The following ETNK1 variants were observed in gnomAD, a reference collection of about 807,000 sequenced individuals.
The protein encoded by ETNK1 is ethanolamine kinase 1, also known as putative protein product of Nbla10396.
Under a neutral mutation model 45.1 loss-of-function variants are expected in ETNK1, and 8 were observed. That is an observed-to-expected ratio of 0.18 (90% CI 0.10 to 0.32). ETNK1 has a LOEUF of 0.32. Among genes scored for constraint, ETNK1 ranks in the 10% least tolerant of loss-of-function variants. ETNK1 has a pLI of 1.00. For missense variants in ETNK1, 302 were observed against 430.6 expected (o/e 0.70, Z 2.64); for synonymous variants, 152 against 151.9 (o/e 1.00, Z -0.01).
chr12:22,684,133 T>C (rs953630270), intron 6 of ETNK1, among the ~76,000 whole-genome samples: 2 of 152,176 alleles, frequency 1.3e-5, no homozygotes, highest in African/African-American at 4.8e-5. Context: ...CAAAGGCCTT[T>C]GATATAATAA....
In ETNK1 at chr12:22,656,327, A is replaced by G. The variant is rs1489541773; in HGVS notation, c.417-2687A>G. 10 of 822,520 alleles carry G rather than the reference A, an allele frequency of 1.2e-5. No homozygotes were observed. In the Admixed American group the frequency reaches 5.6e-4, roughly 46 times the overall value. The allele number at this position is 822,520 out of a possible 1,614,324, so 51.0% of individuals were successfully genotyped here. On this transcript the variant is annotated intron_variant, in intron 2 of 7. Transcript: ENST00000266517. Reference sequence around the variant, plus strand: ...GAACTTCAAAATACTTTATTTAAAAAACAACTTGAGGCAGCAAAAGTATTA... The same window carrying G: ...GAACTTCAAAATACTTTATTTAAAAGACAACTTGAGGCAGCAAAAGTATTA...
At chr12:22,668,546 G>A (rs1954077269) in intron 4 of ETNK1, among the ~76,000 whole-genome samples, 1 of 151,922 alleles carries the variant, frequency 6.6e-6, no homozygotes, top group Non-Finnish European at 1.5e-5. Context: ...TTCCTTTTAA[G>A]CTTTGTGTCT....
At chr12:22,631,974 C>A (rs1468796051) in intron 1 of ETNK1, among the ~76,000 whole-genome samples, 1 of 151,976 alleles carries the variant, frequency 6.6e-6, no homozygotes, top group Non-Finnish European at 1.5e-5. Flanking sequence ...AACATATACC[C>A]ACCCCAACCC....
chr12:22,669,963 A>T lies in ETNK1; in HGVS notation c.701-1309A>T, dbSNP rs763192879. The stretch of plus-strand genomic sequence containing the variant: ...CATTGATTATTCTCACTTATTCTAG[A>T]TGTGACTTATTTAAATAAGTTTAGA... On this transcript the variant is annotated intron_variant, in intron 4 of 7. Coordinates refer to ENST00000266517, the MANE Select transcript of ETNK1 (RefSeq NM_018638.5). Among the ~76,000 whole-genome samples the T allele has an allele frequency of 1.6e-4, 24 of 152,122 alleles. No homozygotes were observed. The East Asian group carries it at 2.9e-3, about 18-fold the overall frequency.
chr12:22,673,796 T>G, intron 6 of ETNK1, 136 bp downstream of exon 6: 1 of 883,962 alleles, frequency 1.1e-6, no homozygotes, highest in Non-Finnish European at 1.7e-6. Context: ...ACATGACCAT[T>G]TACAGTATGC....
chr12:22,654,460 A>G (rs12322145), intron 2 of ETNK1, among the ~76,000 whole-genome samples: 1 of 152,150 alleles, frequency 6.6e-6, no homozygotes, highest in Non-Finnish European at 1.5e-5. Flanking sequence ...AGTACATGAG[A>G]TTATTAAAAA....
chr12:22,671,634 T>C (rs1390907147), intron 5 of ETNK1, among the ~76,000 whole-genome samples: 2 of 151,482 alleles, frequency 1.3e-5, no homozygotes, highest in East Asian at 1.9e-4. Context: ...GTCAGGAGAT[T>C]GAGACCATCC....
Position 22,643,901 on chromosome 12 carries a change from G to A in ETNK1, c.295G>A (p.Val99Met). Residue 99 changes from valine to methionine, a missense_variant, in exon 2 of 8, where the codon GTG (valine) becomes ATG (methionine). Physicochemically the swap from Val to Met is conservative, Grantham distance 21. This residue lies in a region of ETNK1 where 205 missense variants were observed against 259.9 expected (regional missense o/e 0.79). Transcript: ENST00000266517. ...AGATGAGGAAGTAAAGAGTTTTCGA[G>A]TGTTGCAGGCTCATGGGTGTGCACC... The part of the protein sequence containing the change: ...DRDEEVKSFR[V>M]LQAHGCAPQL... The A allele has an allele frequency of 6.2e-7, 1 of 1,613,486 alleles. No individual in the cohort carries two copies. Among genetic ancestry groups the A allele is most frequent in the Non-Finnish European group, 8.5e-7 (1 of 1,179,548 alleles).
At chr12:22,648,229 A>G (rs1318467632) in intron 2 of ETNK1, among the ~76,000 whole-genome samples, 1 of 151,870 alleles carries the variant, frequency 6.6e-6, no homozygotes, top group Non-Finnish European at 1.5e-5. Flanking sequence ...TATCACCCAA[A>G]GTCCACAGTT....
intron 2 of ETNK1, among the ~76,000 whole-genome samples, chr12:22,658,658 A>G (rs561163403): frequency 2.0e-5 from 3 of 152,310 alleles, no homozygotes; most frequent in South Asian, 4.1e-4. Context: ...GTGGGAATGT[A>G]TACCCAAGGA....
intron 1 of ETNK1, among the ~76,000 whole-genome samples, chr12:22,639,804 G>A (rs1565864477): frequency 6.6e-6 from 1 of 152,152 alleles, no homozygotes; most frequent in East Asian, 1.9e-4. Context: ...GGTGACAGAT[G>A]ACTCCTACCA....
At chr12:22,627,351 T>C (rs1256995379) in intron 1 of ETNK1, among the ~76,000 whole-genome samples, 3 of 152,124 alleles carry the variant, frequency 2.0e-5, no homozygotes, top group African/African-American at 7.2e-5. Context: ...GACCTTTGGG[T>C]TTATAATCCG....
In ETNK1 at chr12:22,686,699, T is replaced by G. The variant is rs1230888272; in HGVS notation, c.*1745T>G. ...ATAAACCATATTACTGTAAGATCAATAGAACTTTGCCTAGTTAAGTGAATG... is the reference window on the plus strand; with the variant it reads ...ATAAACCATATTACTGTAAGATCAAGAGAACTTTGCCTAGTTAAGTGAATG... On this transcript the variant is annotated 3_prime_UTR_variant, in exon 8 of 8. Transcript: ENST00000266517. 6.6e-6 allele frequency: 1 copy of G among 152,262 alleles called. No individual in the cohort carries two copies. The highest frequency in any genetic ancestry group is 1.9e-4 in the East Asian group (1 of 5,194). The allele number at this position is 152,262 out of a possible 1,614,324, so 9.4% of individuals were successfully genotyped here.
At position 22,661,314 on chromosome 12, in the gene ETNK1, G is replaced by T. The variant is rs1953997415; in HGVS notation, c.700+109G>T. The T allele has an allele frequency of 1.3e-5, 10 of 779,134 alleles. No individual in the cohort carries two copies. In the South Asian group the frequency reaches 2.0e-4, roughly 16 times the overall value. 48.3% of individuals were successfully genotyped at this position (779,134 alleles called of 1,614,324 possible). On this transcript the variant is annotated intron_variant, in intron 4 of 7. Coordinates refer to ENST00000266517, the MANE Select transcript of ETNK1 (RefSeq NM_018638.5). The stretch of plus-strand genomic sequence containing the variant: ...ATTCAAATGCAAGGAGTAAGAGCGT[G>T]CATGAAACCTTTAAAGATTTTCTTT...
chr12:22,664,623 G>A (rs1344430974), intron 4 of ETNK1, among the ~76,000 whole-genome samples: 1 of 152,044 alleles, frequency 6.6e-6, no homozygotes, highest in Non-Finnish European at 1.5e-5. Context: ...TTTTGAAAAG[G>A]TTAATTAAAG....
chr12:22,625,463 C>A lies in ETNK1; in HGVS notation c.33C>A (p.Ser11=). 6.3e-7 allele frequency: 1 copy of A among 1,599,746 alleles called. No individual in the cohort carries two copies. The highest frequency in any genetic ancestry group is 8.5e-7 in the Non-Finnish European group (1 of 1,173,660). The change falls in exon 1 of 8, where the codon TCC becomes TCA. Residue 11 remains serine (S), a synonymous_variant. Transcript: ENST00000266517. The part of the protein sequence containing the change: MANYIHVPPG[S]PEVPKLNVTV... ...ATTACATCCACGTCCCTCCCGGCTC[C>A]CCGGAGGTGCCCAAGCTGAACGTCA...
intron 2 of ETNK1, among the ~76,000 whole-genome samples, chr12:22,656,105 G>A (rs1026037320): frequency 6.6e-6 from 1 of 152,036 alleles, no homozygotes. Flanking sequence ...TTGGAGTTGT[G>A]GCCATACTGT....
chr12:22,679,787 G>T (rs1028996121), intron 6 of ETNK1, among the ~76,000 whole-genome samples: 1 of 148,532 alleles, frequency 6.7e-6, no homozygotes, highest in Non-Finnish European at 1.5e-5. Context: ...TGCAACCTCT[G>T]CCTCCTGGAT....
intron 5 of ETNK1, among the ~76,000 whole-genome samples, chr12:22,673,288 G>A (rs1478887841): frequency 6.6e-6 from 1 of 152,062 alleles, no homozygotes; most frequent in Non-Finnish European, 1.5e-5. Context: ...GAATTGATTT[G>A]GTGATCAACA....
Sources: allele counts gnomAD v4.1 joint callset (sites outside exome capture counted in the v4.1 genomes callset), GRCh38; gene constraint gnomAD v4.1.1; regional missense constraint gnomAD v4.1.1; transcripts MANE v1.5; gene names NCBI Gene and HGNC (gene_info 2026-07-23, HGNC 2026-07-21).